The following TMCO4 variants were observed in gnomAD, a reference collection of about 807,000 sequenced individuals.
The protein encoded by TMCO4 is transmembrane and coiled-coil domain-containing protein 4.
A neutral mutation model predicts 64.7 loss-of-function variants in TMCO4; 58 were observed. The ratio of observed to expected loss-of-function variants is 0.90; its 90% CI spans 0.73 to 1.12. The LOEUF is 1.12. Among genes scored for constraint, TMCO4 ranks in the 50% most tolerant of loss-of-function variants. The pLI is 0.00. For synonymous variants in TMCO4, 325 were observed against 346.1 expected (o/e 0.94, Z 0.68); for missense variants, 780 against 825.9 (o/e 0.94, Z 0.68).
intron 3 of TMCO4, among the ~76,000 whole-genome samples, chr1:19,785,428 T>A (rs2043688644): frequency 6.6e-6 from 1 of 152,204 alleles, no homozygotes; most frequent in Admixed American, 6.5e-5. Flanking sequence ...GGCAGTTCCC[T>A]GGTTGTTTTT....
chr1:19,746,403 G>A lies in TMCO4; in HGVS notation c.757+53C>T. On this transcript the variant is annotated intron_variant, in intron 9 of 15. Coordinates refer to ENST00000294543, the MANE Select transcript of TMCO4 (RefSeq NM_181719.7). ...ATCCAGGCATGTCCTTTTAGGAACT[G>A]GGCCACCCTGGCTGAAAATTCCTCT... The A allele has an allele frequency of 2.5e-6, 4 of 1,605,166 alleles. No homozygotes were observed. The South Asian group carries it at 4.5e-5, about 18-fold the overall frequency.
chr1:19,783,851 C>T (rs2043603183), intron 3 of TMCO4, among the ~76,000 whole-genome samples: 1 of 152,166 alleles, frequency 6.6e-6, no homozygotes, highest in Admixed American at 6.5e-5. Context: ...CCAAAGTCAC[C>T]CAGCAAGACT....
intron 10 of TMCO4, among the ~76,000 whole-genome samples, chr1:19,741,456 G>C (rs2095478615): frequency 6.6e-6 from 1 of 152,178 alleles, no homozygotes; most frequent in Non-Finnish European, 1.5e-5. Context: ...GGGAAGAGAT[G>C]TTTGAGCCCG....
intron 15 of TMCO4, among the ~76,000 whole-genome samples, chr1:19,689,948 C>A (rs902132646): frequency 6.6e-6 from 1 of 152,220 alleles, no homozygotes; most frequent in Non-Finnish European, 1.5e-5. Flanking sequence ...AAAAAAACAG[C>A]CTGAAGGCTG....
At chr1:19,693,164 C>CAAAA (rs57031243) in intron 15 of TMCO4, among the ~76,000 whole-genome samples, 1 of 19,956 alleles carries the variant, frequency 5.0e-5, no homozygotes, top group African/African-American at 1.3e-4. Flanking sequence ...GACCCCATCT[C>CAAAA]AAAAAAAAAA....
intron 13 of TMCO4, among the ~76,000 whole-genome samples, chr1:19,703,184 C>T (rs941270748): frequency 5.9e-5 from 9 of 152,228 alleles, no homozygotes; most frequent in African/African-American, 1.9e-4. Context: ...AACCAGTTTA[C>T]AGGCTTTGAC....
chr1:19,778,805 T>C (rs2043327446), intron 4 of TMCO4, among the ~76,000 whole-genome samples: 1 of 152,160 alleles, frequency 6.6e-6, no homozygotes, highest in Non-Finnish European at 1.5e-5. Flanking sequence ...CCAGGTATCT[T>C]TGCTATACTG....
At chr1:19,747,055 G>T in intron 8 of TMCO4, 108 bp downstream of exon 8, 2 of 1,118,468 alleles carry the variant, frequency 1.8e-6, no homozygotes, top group Non-Finnish European at 2.7e-6. Flanking sequence ...ACATGCCAGG[G>T]GCCACCTCCC....
At chr1:19,707,632 T>C (rs570759749) in intron 13 of TMCO4, among the ~76,000 whole-genome samples, 5 of 152,178 alleles carry the variant, frequency 3.3e-5, no homozygotes, top group Non-Finnish European at 7.4e-5. Context: ...TCAAAAAATA[T>C]ATAACCCCTT....
intron 10 of TMCO4, among the ~76,000 whole-genome samples, chr1:19,741,627 C>G (rs866402921): frequency 6.6e-6 from 1 of 152,120 alleles, no homozygotes; most frequent in African/African-American, 2.4e-5. Context: ...TCCCTCATCC[C>G]CTCCTTCCTT....
chr1:19,734,668 C>T lies in TMCO4; in HGVS notation c.1264+2704G>A, dbSNP rs1050711860. Among the ~76,000 whole-genome samples the T allele has an allele frequency of 6.6e-5, 10 of 152,128 alleles. No homozygotes were observed. The highest frequency in any genetic ancestry group is 1.2e-4 in the Non-Finnish European group (8 of 68,014). On this transcript the variant is annotated intron_variant, in intron 13 of 15. Transcript: ENST00000294543. This position sits in a 1 kb window ranked among gnomAD's most constrained non-coding sequence, Gnocchi z 4.4. ...ACCGTTTCTAGACACCCCTGAGAGC[C>T]CCGCCTTTGCCCATGCTGGCCGACC...
intron 13 of TMCO4, among the ~76,000 whole-genome samples, chr1:19,731,958 T>C (rs1397154325): frequency 1.3e-5 from 2 of 152,168 alleles, no homozygotes; most frequent in African/African-American, 4.8e-5. Flanking sequence ...AAACTGGGGA[T>C]ATAAATGGCT....
At chr1:19,788,744 T>C (rs2043868478) in intron 2 of TMCO4, among the ~76,000 whole-genome samples, 1 of 152,182 alleles carries the variant, frequency 6.6e-6, no homozygotes. Context: ...TAGAACAGAA[T>C]TCGACTGCAT....
intron 6 of TMCO4, among the ~76,000 whole-genome samples, chr1:19,757,158 G>GT (rs1557577633): frequency 3.0e-5 from 4 of 134,232 alleles, no homozygotes; most frequent in Admixed American, 7.3e-5. Context: ...AGGCGTGGTG[G>GT]CGGGGGGGGG....
chr1:19,770,360 C>G (rs1388686819), intron 6 of TMCO4, among the ~76,000 whole-genome samples, 182 bp downstream of exon 6: 1 of 152,136 alleles, frequency 6.6e-6, no homozygotes, highest in South Asian at 2.1e-4. Context: ...CTGAGAAGCA[C>G]CACACAGTCC....
chr1:19,699,465 A>G (rs1232605226), intron 14 of TMCO4, among the ~76,000 whole-genome samples: 2 of 145,928 alleles, frequency 1.4e-5, no homozygotes, highest in East Asian at 4.0e-4. Context: ...GTCTTTGTCC[A>G]TTCCTTATCT....
chr1:19,741,675 G>A (rs1183709111), intron 10 of TMCO4, among the ~76,000 whole-genome samples: 3 of 151,790 alleles, frequency 2.0e-5, no homozygotes, highest in African/African-American at 7.3e-5. Flanking sequence ...GCACAGAGGG[G>A]CACCTAATCT....
At chr1:19,693,517 G>A (rs2095214239) in intron 15 of TMCO4, among the ~76,000 whole-genome samples, 1 of 152,096 alleles carries the variant, frequency 6.6e-6, no homozygotes, top group African/African-American at 2.4e-5. Context: ...ATTCAAGTTG[G>A]GTTTGTGTGG....
chr1:19,725,148 A>G (rs1275979663), intron 13 of TMCO4, among the ~76,000 whole-genome samples: 1 of 152,160 alleles, frequency 6.6e-6, no homozygotes, highest in Non-Finnish European at 1.5e-5. Flanking sequence ...TGGCAAACAG[A>G]TGGGGAAGCC....
Sources: allele counts gnomAD v4.1 joint callset (sites outside exome capture counted in the v4.1 genomes callset), GRCh38; gene constraint gnomAD v4.1.1; non-coding constraint Gnocchi (gnomAD v3.1); transcripts MANE v1.5; gene names NCBI Gene and HGNC (gene_info 2026-07-23, HGNC 2026-07-21).